AGAP1: variants seen among roughly 807,000 people sequenced by gnomAD.
The protein encoded by AGAP1 is ArfGAP with GTPase domain, ankyrin repeat and PH domain 1.
In AGAP1, 29 loss-of-function variants were observed where a neutral mutation model predicts 105.3. The ratio of observed to expected loss-of-function variants is 0.28; its 90% CI spans 0.21 to 0.38. The LOEUF (loss-of-function observed/expected upper bound fraction) is 0.38, where lower values mean the gene tolerates loss of function less well. AGAP1 is among the 10% of genes least tolerant of loss of function. AGAP1 has a pLI of 1.00. For missense variants in AGAP1, 998 were observed against 1,165.1 expected (o/e 0.86, Z 2.09); for synonymous variants, 509 against 485.9 (o/e 1.05, Z -0.63).
At chr2:236,011,826 C>T (rs1360814102) in intron 13 of AGAP1, among the ~76,000 whole-genome samples, 1 of 152,034 alleles carries the variant, frequency 6.6e-6, no homozygotes, top group African/African-American at 2.4e-5. Flanking sequence ...GGCCTGAGAC[C>T]AGAGGGAGGC....
At chr2:235,767,841 G>GTGGCGTGATT (rs939311292) in intron 6 of AGAP1, among the ~76,000 whole-genome samples, 1 of 130,020 alleles carries the variant, frequency 7.7e-6, no homozygotes, top group African/African-American at 2.9e-5. Context: ...CTGGAGTACA[G>GTGGCGTGATT]TGGCGTGATT....
chr2:236,122,574 A>G (rs2059924796), intron 17 of AGAP1, among the ~76,000 whole-genome samples: 1 of 152,014 alleles, frequency 6.6e-6, no homozygotes, highest in South Asian at 2.1e-4. Context: ...GTGTACTTTA[A>G]CCTCATATTT....
intron 9 of AGAP1, among the ~76,000 whole-genome samples, chr2:235,840,543 C>T (rs1960700593): frequency 6.6e-6 from 1 of 152,100 alleles, no homozygotes; most frequent in Admixed American, 6.5e-5. Context: ...CCATGTTGTA[C>T]TTCAGAAGGG....
intron 9 of AGAP1, among the ~76,000 whole-genome samples, chr2:235,852,039 C>T (rs894257549): frequency 1.3e-5 from 2 of 152,148 alleles, no homozygotes; most frequent in Non-Finnish European, 2.9e-5. Context: ...GGCCTGTGAG[C>T]TGCTGCCGAC....
At chr2:235,763,614 T>G (rs539206238) in intron 6 of AGAP1, among the ~76,000 whole-genome samples, 1 of 152,212 alleles carries the variant, frequency 6.6e-6, no homozygotes, top group Non-Finnish European at 1.5e-5. Context: ...AGGCTTTGAA[T>G]CCTTGGTGTT....
intron 6 of AGAP1, among the ~76,000 whole-genome samples, chr2:235,773,593 C>T (rs1488945196): frequency 6.6e-6 from 1 of 152,196 alleles, no homozygotes. Flanking sequence ...AGGAAGTCAG[C>T]GTGAATCGGC....
intron 9 of AGAP1, among the ~76,000 whole-genome samples, chr2:235,873,294 C>G (rs1559591397): frequency 6.6e-6 from 1 of 152,194 alleles, no homozygotes; most frequent in East Asian, 1.9e-4. Flanking sequence ...TCCACAAAAG[C>G]TATTTCCCGA....
chr2:235,761,651 A>G (rs1327558849), intron 6 of AGAP1, among the ~76,000 whole-genome samples: 2 of 152,208 alleles, frequency 1.3e-5, no homozygotes, highest in East Asian at 1.9e-4. Flanking sequence ...TTTTAAAATG[A>G]TTAAGTAGTG....
At chr2:235,696,985 C>CA (rs548086109) in intron 1 of AGAP1, among the ~76,000 whole-genome samples, 7,594 of 143,216 alleles carry the variant, frequency 0.053, 581 homozygotes, top group African/African-American at 0.17. Flanking sequence ...GACTCGATCT[C>CA]AAAAAAAAAA....
Position 235,547,057 on chromosome 2 carries a change from T to A in AGAP1, c.163+52208T>A, listed in dbSNP as rs145684774. Among the ~76,000 whole-genome samples the A allele has an allele frequency of 9.2e-5, 14 of 152,210 alleles. 1 individual carries two copies. The highest frequency in any genetic ancestry group is 2.6e-4 in the African/African-American group (11 of 41,560). On this transcript the variant is annotated intron_variant, in intron 1 of 17. Coordinates refer to ENST00000304032, the MANE Select transcript of AGAP1 (RefSeq NM_001037131.3). ...CAGAGATCTGGGAGCCTTTGACTGT[T>A]GAACAGGGAAAAATTCCCCATGCTT...
Position 235,725,898 on chromosome 2 carries a change from A to G in AGAP1, c.310+8254A>G, listed in dbSNP as rs531909325. On this transcript the variant is annotated intron_variant, in intron 3 of 17. Coordinates refer to ENST00000304032, the MANE Select transcript of AGAP1 (RefSeq NM_001037131.3). The surrounding 1 kb of genome is among the most constrained non-coding windows in gnomAD (Gnocchi z 5.7). ...TAAAGGATGCTAACATTATTATTAGATGTTCAAAAAAATAATAAAAGGGAA... is the reference window on the plus strand; with the variant it reads ...TAAAGGATGCTAACATTATTATTAGGTGTTCAAAAAAATAATAAAAGGGAA... Among the ~76,000 whole-genome samples, 2 of 152,318 alleles carry G rather than the reference A, an allele frequency of 1.3e-5. No individual in the cohort carries two copies. Among genetic ancestry groups the G allele is most frequent in the South Asian group, 4.1e-4 (2 of 4,824 alleles).
At chr2:235,668,043 A>T (rs912545420) in intron 1 of AGAP1, among the ~76,000 whole-genome samples, 4 of 151,772 alleles carry the variant, frequency 2.6e-5, no homozygotes, top group Non-Finnish European at 5.9e-5. Flanking sequence ...CCCTCCTTAC[A>T]ATGAGGATGT....
Position 236,027,636 on chromosome 2 carries a change from G to T in AGAP1, c.1646-8925G>T, listed in dbSNP as rs886551746. On this transcript the variant is annotated intron_variant, in intron 13 of 17. Coordinates refer to ENST00000304032, the MANE Select transcript of AGAP1 (RefSeq NM_001037131.3). The surrounding 1 kb of genome is among the most constrained non-coding windows in gnomAD (Gnocchi z 4.4). The stretch of plus-strand genomic sequence containing the variant: ...GGGAGAGGCCAGCCCAGGGTCAGCA[G>T]CGCCATTGCCTCTTGATTTGGGAGC... Among the ~76,000 whole-genome samples, 3 of 152,158 alleles carry T rather than the reference G, an allele frequency of 2.0e-5. No homozygotes were observed. Among genetic ancestry groups the T allele is most frequent in the Non-Finnish European group, 1.5e-5 (1 of 68,042 alleles).
chr2:235,667,146 G>C (rs1470274411), intron 1 of AGAP1, among the ~76,000 whole-genome samples: 2 of 152,182 alleles, frequency 1.3e-5, no homozygotes, highest in Non-Finnish European at 1.5e-5. Context: ...TTATCGCGAA[G>C]CTTTTCTCTC....
chr2:235,774,097 A>T, intron 6 of AGAP1: 1 of 417,072 alleles, frequency 2.4e-6, no homozygotes, highest in Non-Finnish European at 4.8e-6. Flanking sequence ...ACTGCCTTGC[A>T]ATTAAATATC....
At position 235,740,248 on chromosome 2, in the gene AGAP1, A is replaced by G. The variant is rs1049796491; in HGVS notation, c.311-715A>G. 2.0e-5 allele frequency among the ~76,000 whole-genome samples: 3 copies of G among 151,864 alleles called. No homozygotes were observed. Among genetic ancestry groups the G allele is most frequent in the Non-Finnish European group, 4.4e-5 (3 of 67,972 alleles). ...AGAGCATCAGGGGCCGGGACGTCCA[A>G]GGTAGCACCAGGCCCCTCATGCCCG... On this transcript the variant is annotated intron_variant, in intron 3 of 17. Coordinates refer to ENST00000304032, the MANE Select transcript of AGAP1 (RefSeq NM_001037131.3). The surrounding 1 kb of genome is among the most constrained non-coding windows in gnomAD (Gnocchi z 5.7).
chr2:235,503,070 C>G (rs1232232212), intron 1 of AGAP1, among the ~76,000 whole-genome samples: 2 of 152,098 alleles, frequency 1.3e-5, no homozygotes, highest in African/African-American at 4.8e-5. Context: ...AAGACCTACC[C>G]TTTTTTCAGG....
rs2055427031 is a variant in AGAP1 at position 235,988,699 on chromosome 2, A to T, written c.1645+20076A>T. Among the ~76,000 whole-genome samples, 1 of 152,112 alleles carries T rather than the reference A, an allele frequency of 6.6e-6. No individual in the cohort carries two copies. The highest frequency in any genetic ancestry group is 1.5e-5 in the Non-Finnish European group (1 of 68,020). On this transcript the variant is annotated intron_variant, in intron 13 of 17. Transcript: ENST00000304032. The surrounding 1 kb of genome is among the most constrained non-coding windows in gnomAD (Gnocchi z 4.7). ...AATGGAATCTTAAAGACGAGAAATG[A>T]TTATTTTTTTCCCGCCGACTCCACT...
rs145443497 is a variant in AGAP1, at chr2:235,726,228, G to A, written c.310+8584G>A. ...GGAGCGCCCTAAAGAGGACAAGCCC[G>A]CTGGCTTCTGTGGGGAGTCACTGTC... is the stretch of plus-strand genomic sequence containing the variant. On this transcript the variant is annotated intron_variant, in intron 3 of 17. Transcript: ENST00000304032. Among the ~76,000 whole-genome samples, 131 of 152,292 alleles carry A rather than the reference G, an allele frequency of 8.6e-4. 3 individuals carry two copies. In the East Asian group the frequency reaches 0.02, roughly 24 times the overall value.
Sources: gnomAD v4.1 joint callset for allele counts (sites outside exome capture counted in the v4.1 genomes callset) on GRCh38, gnomAD v4.1.1 for gene constraint, Gnocchi (gnomAD v3.1) non-coding constraint, MANE v1.5 for transcripts, NCBI Gene and HGNC (gene_info 2026-07-23, HGNC 2026-07-21) for gene names.